The following MAGI1 variants were observed in gnomAD, a reference collection of about 807,000 sequenced individuals.
MAGI1 encodes the protein membrane-associated guanylate kinase, WW and PDZ domain-containing protein 1.
Under a neutral mutation model 139.9 loss-of-function variants are expected in MAGI1, and 58 were observed. That is an observed-to-expected ratio of 0.41 (90% confidence interval 0.34 to 0.52). The LOEUF (loss-of-function observed/expected upper bound fraction) is 0.52. MAGI1 is among the 20% of genes least tolerant of loss of function. The pLI, the probability that MAGI1 is intolerant of heterozygous loss-of-function variation, is 0.12. For synonymous variants in MAGI1, 812 were observed against 737.9 expected (o/e 1.10, Z -1.63); for missense variants, 1,874 against 1,901.6 (o/e 0.99, Z 0.27).
chr3:65,528,332 T>C (rs1351177396), intron 2 of MAGI1, among the ~76,000 whole-genome samples: 1 of 152,176 alleles, frequency 6.6e-6, no homozygotes, highest in Non-Finnish European at 1.5e-5. Flanking sequence ...CACAGCGAAA[T>C]TGCTGTCAAA....
At chr3:65,657,071 G>A (rs1230755440) in intron 1 of MAGI1, among the ~76,000 whole-genome samples, 1 of 150,690 alleles carries the variant, frequency 6.6e-6, no homozygotes, top group African/African-American at 2.4e-5. Context: ...TTTATGGAAT[G>A]TCTACTACAT....
intron 1 of MAGI1, among the ~76,000 whole-genome samples, chr3:65,725,837 G>A (rs1156341310): frequency 6.6e-6 from 1 of 152,168 alleles, no homozygotes; most frequent in Non-Finnish European, 1.5e-5. Context: ...CAAGCTGGTT[G>A]CTCCAACGTT....
chr3:65,770,971 G>A (rs930744116), intron 1 of MAGI1, among the ~76,000 whole-genome samples: 2 of 151,810 alleles, frequency 1.3e-5, no homozygotes, highest in African/African-American at 4.8e-5. Context: ...GATTACAAAC[G>A]CAAGCCACTA....
intron 1 of MAGI1, among the ~76,000 whole-genome samples, chr3:65,717,041 A>G (rs535601889): frequency 6.6e-6 from 1 of 152,328 alleles, no homozygotes; most frequent in South Asian, 2.1e-4. Flanking sequence ...GATTAAGTAA[A>G]GGACCTTGAG....
intron 1 of MAGI1, among the ~76,000 whole-genome samples, chr3:65,994,272 T>G (rs1383660295): frequency 2.8e-5 from 1 of 36,328 alleles, no homozygotes; most frequent in Non-Finnish European, 5.3e-5. Context: ...AGACTCCATC[T>G]CAAAAAAAAA....
At chr3:65,706,203 G>A (rs2030252093) in intron 1 of MAGI1, among the ~76,000 whole-genome samples, 1 of 152,166 alleles carries the variant, frequency 6.6e-6, no homozygotes, top group African/African-American at 2.4e-5. Flanking sequence ...CTTTGCAAAT[G>A]GGATTTAAAA....
At chr3:65,543,965 G>C (rs751779561) in intron 2 of MAGI1, among the ~76,000 whole-genome samples, 4 of 151,958 alleles carry the variant, frequency 2.6e-5, no homozygotes, top group Non-Finnish European at 5.9e-5. Context: ...AATCATTTTA[G>C]ACAAAATAAT....
chr3:65,737,309 A>G (rs1272617474), intron 1 of MAGI1, among the ~76,000 whole-genome samples: 1 of 152,236 alleles, frequency 6.6e-6, no homozygotes, highest in African/African-American at 2.4e-5. Flanking sequence ...CCAGCGCATC[A>G]AGACTTTTAA....
intron 1 of MAGI1, among the ~76,000 whole-genome samples, chr3:65,917,298 C>A (rs1425017725): frequency 6.6e-6 from 1 of 152,144 alleles, no homozygotes; most frequent in Admixed American, 6.5e-5. Context: ...ACTGACACCA[C>A]CAAATGCTGA....
intron 4 of MAGI1, among the ~76,000 whole-genome samples, chr3:65,473,128 G>C (rs191986879): frequency 6.6e-6 from 1 of 152,184 alleles, no homozygotes; most frequent in Admixed American, 6.5e-5. Context: ...GTGAGCCATA[G>C]TAGGTAGTTG....
At chr3:65,381,171 C>A (rs1943021893) in intron 16 of MAGI1, among the ~76,000 whole-genome samples, 1 of 152,072 alleles carries the variant, frequency 6.6e-6, no homozygotes, top group South Asian at 2.1e-4. Context: ...AACACTCACA[C>A]AATTCACTGT....
chr3:65,842,732 C>A (rs1302460254), intron 1 of MAGI1, among the ~76,000 whole-genome samples: 1 of 152,154 alleles, frequency 6.6e-6, no homozygotes, highest in Admixed American at 6.6e-5. Flanking sequence ...AAATGCTTCT[C>A]TATAATTTGT....
intron 4 of MAGI1, among the ~76,000 whole-genome samples, chr3:65,473,572 A>C (rs1425775934): frequency 6.6e-6 from 1 of 151,618 alleles, no homozygotes; most frequent in Admixed American, 6.6e-5. Context: ...ATATAACAGG[A>C]AAAGGGTAGT....
chr3:65,539,256 C>G (rs1292740414), intron 2 of MAGI1, among the ~76,000 whole-genome samples: 1 of 152,128 alleles, frequency 6.6e-6, no homozygotes, highest in Non-Finnish European at 1.5e-5. Context: ...GCACCAAGTA[C>G]CAACAAACAG....
At chr3:65,679,103 C>A (rs2087395550) in intron 1 of MAGI1, among the ~76,000 whole-genome samples, 1 of 152,136 alleles carries the variant, frequency 6.6e-6, no homozygotes, top group East Asian at 1.9e-4. Flanking sequence ...TTTTCCCCTA[C>A]AGTGTGTCAA....
At chr3:65,763,315 T>C (rs2037188869) in intron 1 of MAGI1, among the ~76,000 whole-genome samples, 1 of 152,218 alleles carries the variant, frequency 6.6e-6, no homozygotes, top group South Asian at 2.1e-4. Flanking sequence ...ATCTAGGTTT[T>C]GCCACTTCCT....
At chr3:65,445,054 A>T (rs1948592304) in intron 7 of MAGI1, among the ~76,000 whole-genome samples, 1 of 152,238 alleles carries the variant, frequency 6.6e-6, no homozygotes, top group African/African-American at 2.4e-5. Context: ...TTTTTAAGCA[A>T]ACACTCTAAA....
intron 1 of MAGI1, among the ~76,000 whole-genome samples, chr3:65,701,974 T>C (rs923939232): frequency 1.5e-4 from 23 of 152,196 alleles, no homozygotes; most frequent in Non-Finnish European, 1.0e-4. Context: ...CCTGCATATA[T>C]TCCCCGACGC....
intron 3 of MAGI1, among the ~76,000 whole-genome samples, chr3:65,487,704 T>C (rs949801003): frequency 3.3e-5 from 5 of 152,210 alleles, no homozygotes; most frequent in Admixed American, 2.6e-4. Flanking sequence ...TGTCATAGAA[T>C]GTATCCACAA....
Sources: allele counts gnomAD v4.1 joint callset (sites outside exome capture counted in the v4.1 genomes callset), GRCh38; gene constraint gnomAD v4.1.1; transcripts MANE v1.5; gene names NCBI Gene and HGNC (gene_info 2026-07-23, HGNC 2026-07-21).